The following CTTNBP2NL variants were observed in gnomAD, a reference collection of about 807,000 sequenced individuals.
The protein encoded by CTTNBP2NL is CTTNBP2 N-terminal like, also known as CTTNBP2 N-terminal-like protein.
Under a neutral mutation model 32.5 loss-of-function variants are expected in CTTNBP2NL, and 16 were observed. The observed-to-expected ratio is 0.49, with a 90% confidence interval of 0.33 to 0.75. The LOEUF (loss-of-function observed/expected upper bound fraction) is 0.75, where lower values mean the gene tolerates loss of function less well. CTTNBP2NL is among the 30% of genes least tolerant of loss of function. The probability of loss-of-function intolerance (pLI) is 0.02; values close to 1 mark genes in which losing one functional copy is unlikely to be tolerated. For synonymous variants in CTTNBP2NL, 298 were observed against 289.4 expected, an observed-to-expected ratio of 1.03 and a Z score of -0.30; for missense variants, 645 against 756.0, an observed-to-expected ratio of 0.85 and a Z score of 1.72.
chr1:112,458,230 G>A lies in CTTNBP2NL; in HGVS notation c.*818G>A, dbSNP rs1396940970. ...GATTGCTGTTACTTGAATAGGAAAT[G>A]GTTACTCATTCTGTATAAAAGTTTT... On this transcript the variant is annotated 3_prime_UTR_variant, in exon 6 of 6. Transcript: ENST00000271277. 1 of 152,564 alleles carries A rather than the reference G, an allele frequency of 6.6e-6. No individual in the cohort carries two copies. Among genetic ancestry groups the A allele is most frequent in the Admixed American group, 6.5e-5 (1 of 15,270 alleles). The allele number at this position is 152,564 out of a possible 1,614,324, so 9.5% of individuals were successfully genotyped here. A position where few individuals can be genotyped will look rare whatever the true frequency, so the allele number is the denominator to read the frequency against.
intron 3 of CTTNBP2NL, among the ~76,000 whole-genome samples, chr1:112,424,656 A>G (rs963143575): frequency 1.3e-5 from 2 of 152,172 alleles, no homozygotes; most frequent in South Asian, 2.1e-4. Flanking sequence ...TGAATATGCT[A>G]TATCTCATCA....
At chr1:112,408,647 AT>A (rs1648756879) in intron 1 of CTTNBP2NL, among the ~76,000 whole-genome samples, 1 of 152,022 alleles carries the variant, frequency 6.6e-6, no homozygotes, top group African/African-American at 2.4e-5. Flanking sequence ...TCATATTCAG[AT>A]TTAGTATTTG....
In CTTNBP2NL at chr1:112,457,157, G is replaced by C; in HGVS notation, c.1665G>C (p.Val555=). Residue 555 remains valine, a synonymous_variant, in exon 6 of 6, where the codon GTG becomes GTC. Coordinates refer to ENST00000271277, the MANE Select transcript of CTTNBP2NL (RefSeq NM_018704.3). ...GCCATTCACCTACTCCAGGGAAAGT[G>C]TCCAGTCCCCTGAGCCCCCTGTCTC... The part of the protein sequence containing the change: ...DTSHSPTPGK[V]SSPLSPLSPG... 6.2e-7 allele frequency: 1 copy of C among 1,614,160 alleles called. No homozygotes were observed.
Position 112,457,508 on chromosome 1 carries a change from G to A in CTTNBP2NL, c.*96G>A. 9.2e-7 allele frequency: 1 copy of A among 1,092,584 alleles called. No homozygotes were observed. 67.7% of individuals were successfully genotyped at this position (1,092,584 alleles called of 1,614,324 possible). On this transcript the variant is annotated 3_prime_UTR_variant, in exon 6 of 6. Transcript: ENST00000271277. ...TCAGATTATGTTATTTATTTTGATA[G>A]TAGCTGAAACCATCTGTATAATACA... is the stretch of plus-strand genomic sequence containing the variant.
intron 1 of CTTNBP2NL, among the ~76,000 whole-genome samples, chr1:112,407,001 T>C (rs1208974740): frequency 6.6e-5 from 10 of 152,244 alleles, no homozygotes; most frequent in Admixed American, 5.2e-4. Context: ...GTAAGTGCAC[T>C]ATTCATATTA....
At chr1:112,420,148 CTT>C (rs34995369) in intron 3 of CTTNBP2NL, among the ~76,000 whole-genome samples, 7 of 134,234 alleles carry the variant, frequency 5.2e-5, no homozygotes, top group Admixed American at 7.5e-5. Flanking sequence ...GTTGGAGTGG[CTT>C]TTTTTTTTTT....
At position 112,456,771 on chromosome 1, in the gene CTTNBP2NL, C is replaced by A. The variant is rs779849870; in HGVS notation, c.1279C>A (p.Pro427Thr). The change falls in exon 6 of 6, where the codon CCT becomes ACT. Residue 427 changes from proline (P) to threonine (T), a missense_variant. Physicochemically the swap from Pro to Thr is conservative, Grantham distance 38. Coordinates refer to ENST00000271277, the MANE Select transcript of CTTNBP2NL (RefSeq NM_018704.3). ...STASSSLTSS[P>T]CSSPVLTKRL... ...TGCCTCCTCCTCTCTAACATCCTCT[C>A]CTTGCTCTTCGCCGGTACTCACTAA... is the stretch of plus-strand genomic sequence containing the variant. 17 of 1,614,100 alleles carry A rather than the reference C, an allele frequency of 1.1e-5. No individual in the cohort carries two copies. Among genetic ancestry groups the A allele is most frequent in the Non-Finnish European group, 1.4e-5 (17 of 1,180,026 alleles).
chr1:112,403,901 C>A (rs1241738194), intron 1 of CTTNBP2NL, among the ~76,000 whole-genome samples: 1 of 152,156 alleles, frequency 6.6e-6, no homozygotes, highest in Non-Finnish European at 1.5e-5. Context: ...GTAAATTAGA[C>A]ACGTGAATGA....
chr1:112,406,045 G>A (rs911967636), intron 1 of CTTNBP2NL, among the ~76,000 whole-genome samples: 9 of 151,834 alleles, frequency 5.9e-5, no homozygotes, highest in African/African-American at 1.9e-4. Context: ...TTAGCTGGGC[G>A]TGGTGGTGGG....
rs2101036772 is a variant in CTTNBP2NL, at chr1:112,456,749, C to G, written c.1257C>G (p.Ala419=). Residue 419 remains alanine, a synonymous_variant, in exon 6 of 6, where the codon GCC becomes GCG. Transcript: ENST00000271277. ...SGSSLSPSST[A]SSSLTSSPCS... is the part of the protein sequence containing the mutation. ...GCTCACTGTCTCCCAGCAGCACTGC[C>G]TCCTCCTCTCTAACATCCTCTCCTT... 1.9e-6 allele frequency: 3 copies of G among 1,614,120 alleles called. No homozygotes were observed. The South Asian group carries it at 3.3e-5, about 18-fold the overall frequency.
intron 1 of CTTNBP2NL, among the ~76,000 whole-genome samples, chr1:112,403,359 G>T (rs1209319236): frequency 6.6e-6 from 1 of 151,778 alleles, no homozygotes; most frequent in African/African-American, 2.4e-5. Context: ...TGTTGGCTGA[G>T]ATTGAAAGTG....
At chr1:112,400,516 C>T (rs1648466842) in intron 1 of CTTNBP2NL, among the ~76,000 whole-genome samples, 1 of 152,022 alleles carries the variant, frequency 6.6e-6, no homozygotes. Context: ...CAAAAATTGC[C>T]AGGTGCAGTG....
intron 3 of CTTNBP2NL, among the ~76,000 whole-genome samples, chr1:112,416,753 A>T (rs1374715637): frequency 1.3e-5 from 2 of 151,962 alleles, no homozygotes; most frequent in African/African-American, 2.4e-5. Context: ...TAGCCTCCCA[A>T]AGTGCTGAAA....
chr1:112,436,635 T>C (rs1244240656), intron 3 of CTTNBP2NL, among the ~76,000 whole-genome samples: 3 of 147,836 alleles, frequency 2.0e-5, no homozygotes, highest in African/African-American at 7.5e-5. Flanking sequence ...CGAGCCACTG[T>C]GCCTGGCTCC....
At chr1:112,430,167 C>CTTTCTTTTCTTTTCTTTTCTTTTCT (rs202124796) in intron 3 of CTTNBP2NL, among the ~76,000 whole-genome samples, 3 of 143,858 alleles carry the variant, frequency 2.1e-5, no homozygotes, top group African/African-American at 7.9e-5. Context: ...TAGCTCTTTT[C>CTTTCTTTTCTTTTCTTTTCTTTTCT]TTTCTTTTCT....
At chr1:112,435,548 A>G (rs1649705983) in intron 3 of CTTNBP2NL, among the ~76,000 whole-genome samples, 1 of 152,236 alleles carries the variant, frequency 6.6e-6, no homozygotes, top group African/African-American at 2.4e-5. Flanking sequence ...CTTTAGTAAT[A>G]TAATTTCATA....
chr1:112,431,259 T>C (rs1170086902), intron 3 of CTTNBP2NL, among the ~76,000 whole-genome samples: 2 of 152,240 alleles, frequency 1.3e-5, no homozygotes, highest in African/African-American at 4.8e-5. Flanking sequence ...GACTTCCTCT[T>C]ATTGTGTCTT....
chr1:112,456,585 G>C lies in CTTNBP2NL; in HGVS notation c.1093G>C (p.Gly365Arg). The C allele has an allele frequency of 6.2e-7, 1 of 1,614,188 alleles. No individual in the cohort carries two copies. The highest frequency in any genetic ancestry group is 8.5e-7 in the Non-Finnish European group (1 of 1,180,030). The change falls in exon 6 of 6, where the codon GGC (glycine) becomes CGC (arginine). Residue 365 changes from glycine (G) to arginine (R), a missense_variant. Physicochemically the swap from Gly to Arg is moderately radical, Grantham distance 125. Transcript: ENST00000271277. Reference protein sequence around the residue: ...EIQTTRELTAGNNVENQVPPR... With the variant: ...EIQTTRELTARNNVENQVPPR... ...ACAAACTACCAGGGAGCTGACTGCA[G>C]GCAACAATGTAGAAAACCAGGTGCC...
At chr1:112,431,244 A>C (rs1002643555) in intron 3 of CTTNBP2NL, among the ~76,000 whole-genome samples, 1 of 152,180 alleles carries the variant, frequency 6.6e-6, no homozygotes, top group Non-Finnish European at 1.5e-5. Context: ...GCTTATTCCT[A>C]TTTTGACTTC....
Sources: gnomAD v4.1 joint callset for allele counts (sites outside exome capture counted in the v4.1 genomes callset) on GRCh38, gnomAD v4.1.1 for gene constraint, MANE v1.5 for transcripts, NCBI Gene and HGNC (gene_info 2026-07-23, HGNC 2026-07-21) for gene names.